ZBTB1: variants seen among roughly 807,000 people sequenced by gnomAD.
ZBTB1 encodes zinc finger and BTB domain containing 1.
In ZBTB1, 13 loss-of-function variants were observed where a neutral mutation model predicts 51.6. That is an observed-to-expected ratio of 0.25 (90% CI 0.16 to 0.40). The LOEUF is 0.40. Among genes scored for constraint, ZBTB1 ranks in the 10% least tolerant of loss-of-function variants. The pLI, the probability that ZBTB1 is intolerant of heterozygous loss-of-function variation, is 1.00. For missense variants in ZBTB1, 567 were observed against 856.5 expected, an observed-to-expected ratio of 0.66 and a Z score of 4.22; for synonymous variants, 240 against 282.2, an observed-to-expected ratio of 0.85 and a Z score of 1.50.
intron 1 of ZBTB1, among the ~76,000 whole-genome samples, chr14:64,510,519 T>G (rs2079713644): frequency 6.6e-6 from 1 of 152,202 alleles, no homozygotes; most frequent in South Asian, 2.1e-4. Flanking sequence ...GATTTTTAAA[T>G]GATATCTGGG....
intron 1 of ZBTB1, among the ~76,000 whole-genome samples, chr14:64,512,652 T>C (rs917960387): frequency 2.0e-5 from 3 of 152,346 alleles, no homozygotes; most frequent in Admixed American, 6.5e-5. Context: ...CTTCCTGTAC[T>C]AAGTACTGAA....
chr14:64,530,775 C>A (rs1040532110), intron 2 of ZBTB1, among the ~76,000 whole-genome samples: 3 of 152,122 alleles, frequency 2.0e-5, no homozygotes, highest in Admixed American at 6.6e-5. Context: ...CTCATTCTTT[C>A]CATCAAAATC....
At position 64,523,689 on chromosome 14, in the gene ZBTB1, A is replaced by G. The variant is rs139306242; in HGVS notation, c.*43A>G. On this transcript the variant is annotated 3_prime_UTR_variant, in exon 2 of 2. Transcript: ENST00000683701. This position sits in a 1 kb window ranked among gnomAD's most constrained non-coding sequence, Gnocchi z 4.5. ...TAATGTTTAGATGATAGCAGATAAA[A>G]CACCAAAGCAAAGGATATGAGCTAT... is the stretch of plus-strand genomic sequence containing the variant. 8.7e-6 allele frequency: 13 copies of G among 1,488,362 alleles called. No individual in the cohort carries two copies. In the East Asian group the frequency reaches 2.7e-4, roughly 31 times the overall value. 92.2% of individuals were successfully genotyped at this position (1,488,362 alleles called of 1,614,324 possible).
At chr14:64,519,993 TGTTG>T (rs1202222977) in intron 1 of ZBTB1, among the ~76,000 whole-genome samples, 1 of 150,216 alleles carries the variant, frequency 6.7e-6, no homozygotes, top group Admixed American at 6.6e-5. Flanking sequence ...ATAAGGTTGT[TGTTG>T]TTGTTGTTGT....
intron 1 of ZBTB1, among the ~76,000 whole-genome samples, chr14:64,506,842 A>T (rs537887302): frequency 1.3e-5 from 2 of 152,148 alleles, no homozygotes; most frequent in Non-Finnish European, 2.9e-5. Context: ...ACCATATTTA[A>T]CCAGGGCCTT....
intron 1 of ZBTB1, among the ~76,000 whole-genome samples, chr14:64,510,313 A>G (rs912877112): frequency 1.3e-5 from 2 of 152,236 alleles, no homozygotes; most frequent in Non-Finnish European, 2.9e-5. Context: ...CACACACTTA[A>G]TAAGTGGCAG....
At chr14:64,528,618 G>A (rs1241068818), downstream of ZBTB1, among the ~76,000 whole-genome samples, 1 of 152,100 alleles carries the variant, frequency 6.6e-6, no homozygotes, top group Non-Finnish European at 1.5e-5. Context: ...AACAAGTAGG[G>A]TTATATTTGG....
intron 1 of ZBTB1, among the ~76,000 whole-genome samples, chr14:64,511,753 C>T (rs1351394463): frequency 6.6e-6 from 1 of 152,174 alleles, no homozygotes; most frequent in African/African-American, 2.4e-5. Flanking sequence ...TACTAACTAG[C>T]CAACAAAGCC....
chr14:64,523,940 T>C lies in ZBTB1; in HGVS notation c.*294T>C, dbSNP rs1300583938. The C allele has an allele frequency of 3.8e-6, 4 of 1,064,782 alleles. No homozygotes were observed. Among genetic ancestry groups the C allele is most frequent in the Admixed American group, 5.3e-5 (1 of 19,028 alleles). The allele number at this position is 1,064,782 out of a possible 1,614,324, so 66.0% of individuals were successfully genotyped here. A position where few individuals can be genotyped will look rare whatever the true frequency, so the allele number is the denominator to read the frequency against. On this transcript the variant is annotated 3_prime_UTR_variant, in exon 2 of 2. Transcript: ENST00000683701. The surrounding 1 kb of genome is among the most constrained non-coding windows in gnomAD (Gnocchi z 4.5). ...TACCCATTCAATGACTATTAAACTT[T>C]AGTTTTTCATCAATAAGGTGATGAC... is the stretch of plus-strand genomic sequence containing the variant.
chr14:64,532,267 A>C, exon 3 of ZBTB1: 1 of 162,608 alleles, frequency 6.1e-6, no homozygotes, highest in Non-Finnish European at 1.3e-5. Flanking sequence ...GCAAATATAA[A>C]GAGACATAAT....
At chr14:64,509,235 T>TG (rs1235022710) in intron 1 of ZBTB1, among the ~76,000 whole-genome samples, 1 of 152,272 alleles carries the variant, frequency 6.6e-6, no homozygotes, top group Admixed American at 6.5e-5. Flanking sequence ...CTGGGCGTGG[T>TG]GCCGCATGCC....
At chr14:64,519,444 T>C (rs1041918242) in intron 1 of ZBTB1, among the ~76,000 whole-genome samples, 5 of 147,086 alleles carry the variant, frequency 3.4e-5, no homozygotes, top group Admixed American at 3.4e-4. Context: ...AGCCTTACTT[T>C]TTTCTTTTAA....
At chr14:64,525,515 T>C (rs190059336), downstream of ZBTB1, among the ~76,000 whole-genome samples, 6 of 152,252 alleles carry the variant, frequency 3.9e-5, no homozygotes, top group East Asian at 1.2e-3. Context: ...ATAAACCAAG[T>C]TTCCAAACTA....
chr14:64,523,713 A>T lies in ZBTB1; in HGVS notation c.*67A>T. On this transcript the variant is annotated 3_prime_UTR_variant, in exon 2 of 2. Coordinates refer to ENST00000683701, the MANE Select transcript of ZBTB1 (RefSeq NM_001123329.2). The surrounding 1 kb of genome is among the most constrained non-coding windows in gnomAD (Gnocchi z 4.5). ...AACACCAAAGCAAAGGATATGAGCT[A>T]TTTAGGAATTGATTATATAAGATGA... 6.9e-7 allele frequency: 1 copy of T among 1,443,052 alleles called. No individual in the cohort carries two copies. Among genetic ancestry groups the T allele is most frequent in the Non-Finnish European group, 9.1e-7 (1 of 1,097,028 alleles). The allele number at this position is 1,443,052 out of a possible 1,614,324, so 89.4% of individuals were successfully genotyped here.
intron 1 of ZBTB1, among the ~76,000 whole-genome samples, chr14:64,512,160 ATTTAT>A (rs1403384002): frequency 1.3e-5 from 2 of 152,162 alleles, no homozygotes; most frequent in Admixed American, 1.3e-4. Flanking sequence ...GTCATCTCTA[ATTTAT>A]TTAAGAGTCC....
rs199938650 is a variant in ZBTB1, at chr14:64,513,163, CACATACATGTATAT to C, written c.-19+8233_-19+8246del. The stretch of plus-strand genomic sequence containing the variant: ...ACATACACAGATATGCACACATACA[CACATACATGTATAT>C]ACATACATGTATATATGCAATATAT... On this transcript the variant is annotated intron_variant, in intron 1 of 1. Transcript: ENST00000683701. Among the ~76,000 whole-genome samples, 102 of 152,086 alleles carry C rather than the reference CACATACATGTATAT, an allele frequency of 6.7e-4. 2 individuals carry two copies. The East Asian group carries it at 0.016, about 25-fold the overall frequency.
chr14:64,509,107 C>T (rs2079696076), intron 1 of ZBTB1, among the ~76,000 whole-genome samples: 1 of 152,240 alleles, frequency 6.6e-6, no homozygotes, highest in Admixed American at 6.5e-5. Flanking sequence ...CAATGTCTCT[C>T]ACCTGTAATC....
chr14:64,525,013 T>A, downstream of ZBTB1: 1 of 820,300 alleles, frequency 1.2e-6, no homozygotes, highest in Non-Finnish European at 1.5e-6. Flanking sequence ...GGATTTTAAT[T>A]AACTCCTAAT....
chr14:64,519,059 A>G lies in ZBTB1; in HGVS notation c.-18-2428A>G, dbSNP rs1317556715. Among the ~76,000 whole-genome samples, 7 of 150,170 alleles carry G rather than the reference A, an allele frequency of 4.7e-5. No homozygotes were observed. In the East Asian group the frequency reaches 1.4e-3, roughly 29 times the overall value. On this transcript the variant is annotated intron_variant, in intron 1 of 1. Transcript: ENST00000683701. ...CAACAAATCTGAAGGTATATAATCC[A>G]GAGTGTTTGGAGGGGTTACCTCTGA...
Sources: gnomAD v4.1 joint callset for allele counts (sites outside exome capture counted in the v4.1 genomes callset) on GRCh38, gnomAD v4.1.1 for gene constraint, Gnocchi (gnomAD v3.1) non-coding constraint, MANE v1.5 for transcripts, NCBI Gene and HGNC (gene_info 2026-07-23, HGNC 2026-07-21) for gene names.